CCDC171: variants seen among roughly 807,000 people sequenced by gnomAD.
CCDC171 encodes coiled-coil domain-containing protein 171.
A neutral mutation model predicts 168.2 loss-of-function variants in CCDC171; 177 were observed. The observed-to-expected ratio is 1.05, with a 90% CI of 0.93 to 1.19. The LOEUF (loss-of-function observed/expected upper bound fraction) is 1.19, where lower values mean the gene tolerates loss of function less well. Among genes scored for constraint, CCDC171 ranks in the 50% most tolerant of loss-of-function variants. CCDC171 has a pLI of 0.00. For synonymous variants in CCDC171, 687 were observed against 540.8 expected, an observed-to-expected ratio of 1.27 and a Z score of -3.75; for missense variants, 1,991 against 1,539.0, an observed-to-expected ratio of 1.29 and a Z score of -4.91.
At chr9:15,559,355 T>G (rs942625855) in intron 1 of CCDC171, among the ~76,000 whole-genome samples, 2 of 151,678 alleles carry the variant, frequency 1.3e-5, no homozygotes, top group African/African-American at 4.9e-5. Flanking sequence ...CCATTATTAT[T>G]GTATGGGAGT....
At position 15,693,842 on chromosome 9, in the gene CCDC171, A is replaced by G. The variant is rs527921617; in HGVS notation, c.1216-1393A>G. On this transcript the variant is annotated intron_variant, in intron 10 of 25. Coordinates refer to ENST00000380701, the MANE Select transcript of CCDC171 (RefSeq NM_173550.4). ...CTTCTCTGACCCTTCCCTCCTTTCC[A>G]ACTACTGCCCTTTATCTCACCTTCC... Among the ~76,000 whole-genome samples, 5 of 152,214 alleles carry G rather than the reference A, an allele frequency of 3.3e-5. No homozygotes were observed. The South Asian group carries it at 1.0e-3, about 32-fold the overall frequency.
chr9:15,774,852 G>A (rs546297336), intron 18 of CCDC171, among the ~76,000 whole-genome samples: 2 of 152,328 alleles, frequency 1.3e-5, no homozygotes, highest in South Asian at 2.1e-4. Flanking sequence ...AGTAACTCAG[G>A]AATGGAAAAC....
intron 1 of CCDC171, among the ~76,000 whole-genome samples, chr9:16,059,585 G>T (rs577606792): frequency 1.4e-5 from 2 of 142,770 alleles, no homozygotes; most frequent in Non-Finnish European, 3.0e-5. Context: ...CGCAATCTCG[G>T]CTCACTGCAA....
chr9:15,659,232 G>T (rs1417933538), intron 8 of CCDC171, among the ~76,000 whole-genome samples: 1 of 152,082 alleles, frequency 6.6e-6, no homozygotes, highest in Non-Finnish European at 1.5e-5. Context: ...AGCAACTGCC[G>T]GTAGCTTATC....
intron 16 of CCDC171, among the ~76,000 whole-genome samples, chr9:15,741,068 A>G (rs1004732363): frequency 9.9e-5 from 15 of 152,060 alleles, no homozygotes; most frequent in African/African-American, 2.7e-4. Flanking sequence ...TTTCTCTTCC[A>G]TTATTTTCTT....
At chr9:15,812,485 C>G (rs933172083) in intron 21 of CCDC171, among the ~76,000 whole-genome samples, 4 of 152,088 alleles carry the variant, frequency 2.6e-5, no homozygotes, top group African/African-American at 9.7e-5. Flanking sequence ...GCCTTATAGT[C>G]TTTTAACCTT....
intron 3 of CCDC171, among the ~76,000 whole-genome samples, chr9:15,996,987 C>A (rs926719613): frequency 6.6e-6 from 1 of 152,052 alleles, no homozygotes; most frequent in African/African-American, 2.4e-5. Flanking sequence ...ACCTCATACT[C>A]TTTTATGATT....
intron 25 of CCDC171, among the ~76,000 whole-genome samples, chr9:15,930,448 T>C (rs1826376550): frequency 6.6e-6 from 1 of 151,578 alleles, no homozygotes. Flanking sequence ...AAGAAGAACA[T>C]TCTTTTCAAC....
intron 11 of CCDC171, 150 bp downstream of exon 11, chr9:15,695,487 G>A: frequency 1.6e-6 from 1 of 645,042 alleles, no homozygotes; most frequent in Non-Finnish European, 2.8e-6. Flanking sequence ...GCAGTCAGTT[G>A]GCCTAGCTGG....
Position 15,778,525 on chromosome 9 carries a change from A to G in CCDC171, c.2899-443A>G, listed in dbSNP as rs960598087. ...GTGGTGGTGGGTGCCTCATGCCTCT[A>G]ATCCCAGCTACTCAGGAGGCTGAGG... On this transcript the variant is annotated intron_variant, in intron 19 of 25. Coordinates refer to ENST00000380701, the MANE Select transcript of CCDC171 (RefSeq NM_173550.4). 2.6e-5 allele frequency among the ~76,000 whole-genome samples: 4 copies of G among 150,968 alleles called. No homozygotes were observed. The East Asian group carries it at 7.8e-4, about 29-fold the overall frequency.
intron 18 of CCDC171, among the ~76,000 whole-genome samples, chr9:15,757,070 G>C (rs1179806656): frequency 6.6e-6 from 1 of 152,180 alleles, no homozygotes; most frequent in African/African-American, 2.4e-5. Flanking sequence ...GTAGAGTGGG[G>C]CGTTGCTGAA....
chr9:15,718,771 C>G (rs910830208), intron 11 of CCDC171, among the ~76,000 whole-genome samples: 2 of 152,162 alleles, frequency 1.3e-5, no homozygotes, highest in African/African-American at 2.4e-5. Flanking sequence ...TTGGGGTGCC[C>G]CCTAATGCAG....
chr9:16,001,340 G>T (rs1267649093), intron 3 of CCDC171, among the ~76,000 whole-genome samples: 1 of 151,992 alleles, frequency 6.6e-6, no homozygotes, highest in East Asian at 1.9e-4. Flanking sequence ...CTCAACTCAG[G>T]CTGCCCAGTT....
intron 3 of CCDC171, among the ~76,000 whole-genome samples, chr9:15,573,510 C>T (rs924427026): frequency 6.6e-6 from 1 of 151,986 alleles, no homozygotes; most frequent in East Asian, 2.0e-4. Flanking sequence ...TTGAACTCCT[C>T]ACCTCAGGTG....
At chr9:16,031,515 A>C (rs1441650720) in intron 6 of CCDC171, among the ~76,000 whole-genome samples, 1 of 152,208 alleles carries the variant, frequency 6.6e-6, no homozygotes, top group East Asian at 1.9e-4. Context: ...AAATTACCTG[A>C]ATCTGTTGCA....
At chr9:16,012,925 C>T (rs934313900) in intron 3 of CCDC171, among the ~76,000 whole-genome samples, 9 of 152,154 alleles carry the variant, frequency 5.9e-5, no homozygotes, top group Non-Finnish European at 1.2e-4. Flanking sequence ...GTATAGGTCT[C>T]AGCCCTGGGA....
chr9:16,004,635 C>T (rs1454881158), intron 3 of CCDC171, among the ~76,000 whole-genome samples: 2 of 152,152 alleles, frequency 1.3e-5, no homozygotes, highest in Non-Finnish European at 2.9e-5. Flanking sequence ...ACCGAATGCC[C>T]CGTCACTGCC....
At chr9:16,084,434 T>A in the CCDC171 span, among the ~76,000 whole-genome samples, 2 of 152,196 alleles carry the variant, frequency 1.3e-5, no homozygotes, top group African/African-American at 4.8e-5. Flanking sequence ...GTCCTCTTTG[T>A]CTACCTCATA....
chr9:15,598,459 TTGAG>T (rs2042558022), intron 6 of CCDC171, among the ~76,000 whole-genome samples: 1 of 152,148 alleles, frequency 6.6e-6, no homozygotes, highest in African/African-American at 2.4e-5. Context: ...TTGAGCGGTT[TTGAG>T]TGAGTTTCTT....
Sources: allele counts gnomAD v4.1 joint callset (sites outside exome capture counted in the v4.1 genomes callset), GRCh38; gene constraint gnomAD v4.1.1; transcripts MANE v1.5; gene names NCBI Gene and HGNC (gene_info 2026-07-23, HGNC 2026-07-21).